PTGFRN: variants seen among roughly 807,000 people sequenced by gnomAD.
PTGFRN encodes the protein prostaglandin F2 receptor inhibitor, also known as prostaglandin F2 receptor negative regulator.
PTGFRN carries 35 observed loss-of-function variants against 83.2 expected under a neutral mutation model. The observed-to-expected ratio is 0.42, with a 90% CI of 0.32 to 0.56. PTGFRN has a LOEUF of 0.56. PTGFRN is among the 20% of genes least tolerant of loss of function. The pLI is 0.11. For synonymous variants in PTGFRN, 519 were observed against 498.6 expected (o/e 1.04, Z -0.55); for missense variants, 1,051 against 1,179.5 (o/e 0.89, Z 1.60).
In PTGFRN at chr1:116,918,051, C is replaced by G. The variant is rs1428009809; in HGVS notation, c.49+7799C>G. ...TGGCTGTTAGGCAGAATCTCTAGCA[C>G]AGGGACTCTTGCATTTTATAATCCA... On this transcript the variant is annotated intron_variant, in intron 1 of 8. Transcript: ENST00000393203. This position sits in a 1 kb window ranked among gnomAD's most constrained non-coding sequence, Gnocchi z 4.1. 6.6e-6 allele frequency among the ~76,000 whole-genome samples: 1 copy of G among 152,224 alleles called. No homozygotes were observed. The highest frequency in any genetic ancestry group is 1.5e-5 in the Non-Finnish European group (1 of 68,032).
chr1:116,967,471 C>A, intron 6 of PTGFRN, 141 bp downstream of exon 6: 2 of 909,306 alleles, frequency 2.2e-6, no homozygotes, highest in Non-Finnish European at 3.2e-6. Flanking sequence ...GTGTGTAATT[C>A]AGTGGCTTTT....
At chr1:116,928,755 A>T (rs1230223838) in intron 1 of PTGFRN, among the ~76,000 whole-genome samples, 3 of 152,164 alleles carry the variant, frequency 2.0e-5, no homozygotes, top group Admixed American at 6.5e-5. Context: ...TACTGAGACA[A>T]TAGAGACCAA....
At chr1:116,971,928 G>C (rs1363473714) in intron 6 of PTGFRN, among the ~76,000 whole-genome samples, 1 of 152,152 alleles carries the variant, frequency 6.6e-6, no homozygotes, top group African/African-American at 2.4e-5. Context: ...GAAGGGGCCT[G>C]AGCACTAGAA....
At chr1:116,915,125 A>G (rs1649368439) in intron 1 of PTGFRN, among the ~76,000 whole-genome samples, 1 of 152,192 alleles carries the variant, frequency 6.6e-6, no homozygotes, top group African/African-American at 2.4e-5. Flanking sequence ...TCTGCTAAGG[A>G]AAAGTTTACT....
chr1:116,924,637 G>T (rs760766494), intron 1 of PTGFRN, among the ~76,000 whole-genome samples: 41 of 152,304 alleles, frequency 2.7e-4, no homozygotes, highest in Middle Eastern at 3.4e-3. Context: ...CTTGATTGAC[G>T]CTGTGTGTCA....
rs893929692 is a variant in PTGFRN at position 116,961,125 on chromosome 1, C to T, written c.1214-118C>T. ...ACGACTGATTTCTGTCTCTCTAGTCCGGCAGGAGAAGCATTTAATTGTTAA... is the reference window on the plus strand; with the variant it reads ...ACGACTGATTTCTGTCTCTCTAGTCTGGCAGGAGAAGCATTTAATTGTTAA... On this transcript the variant is annotated intron_variant, in intron 4 of 8. Coordinates refer to ENST00000393203, the MANE Select transcript of PTGFRN (RefSeq NM_020440.4). The surrounding 1 kb of genome is among the most constrained non-coding windows in gnomAD (Gnocchi z 5.4). The T allele has an allele frequency of 2.6e-5, 29 of 1,111,358 alleles. No individual in the cohort carries two copies. The East Asian group carries it at 3.0e-4, about 11-fold the overall frequency. 68.8% of individuals were successfully genotyped at this position (1,111,358 alleles called of 1,614,324 possible).
chr1:116,944,088 A>G (rs1650122126), intron 2 of PTGFRN, among the ~76,000 whole-genome samples: 1 of 152,176 alleles, frequency 6.6e-6, no homozygotes, highest in Non-Finnish European at 1.5e-5. Context: ...CACCCTAGAC[A>G]TTCTTGGGCA....
chr1:116,924,684 T>G (rs991025920), intron 1 of PTGFRN, among the ~76,000 whole-genome samples: 1 of 152,244 alleles, frequency 6.6e-6, no homozygotes, highest in Non-Finnish European at 1.5e-5. Context: ...CTTTCTGTAT[T>G]GAGCCTGGTG....
At chr1:116,976,491 C>CA (rs1329242908) in intron 7 of PTGFRN, among the ~76,000 whole-genome samples, 16 of 152,194 alleles carry the variant, frequency 1.1e-4, no homozygotes, top group Admixed American at 9.2e-4. Context: ...GGGTTACCCA[C>CA]AAAGGGAAGC....
intron 7 of PTGFRN, among the ~76,000 whole-genome samples, chr1:116,982,870 G>T (rs963770135): frequency 6.6e-6 from 1 of 152,176 alleles, no homozygotes; most frequent in African/African-American, 2.4e-5. Context: ...CCTCTGGAGG[G>T]GGGAGGGTAC....
Position 116,984,768 on chromosome 1 carries a change from G to A in PTGFRN, c.2256G>A (p.Lys752=), listed in dbSNP as rs747383636. ...TGCTCCTGTCTTCCCTGGATCGGAA[G>A]GGCATCGTGACCACCTCCCGGAGGG... ...APVLLSSLDR[K]GIVTTSRRDW... The change falls in exon 8 of 9, where the codon AAG becomes AAA. Residue 752 remains lysine (K), a synonymous_variant. Transcript: ENST00000393203. 8 of 1,614,156 alleles carry A rather than the reference G, an allele frequency of 5.0e-6. No homozygotes were observed. The highest frequency in any genetic ancestry group is 5.9e-6 in the Non-Finnish European group (7 of 1,180,024).
chr1:116,951,412 T>G (rs1451683463), intron 4 of PTGFRN, among the ~76,000 whole-genome samples: 1 of 152,238 alleles, frequency 6.6e-6, no homozygotes, highest in Non-Finnish European at 1.5e-5. Context: ...ATCAGTGTGC[T>G]TTTCCTGACT....
chr1:116,966,152 C>T (rs955873380), intron 5 of PTGFRN, among the ~76,000 whole-genome samples: 11 of 152,214 alleles, frequency 7.2e-5, no homozygotes, highest in South Asian at 4.1e-4. Context: ...AAGTGCCTGA[C>T]GTTGTGCTAC....
chr1:116,943,335 C>T (rs1489769861), intron 2 of PTGFRN, among the ~76,000 whole-genome samples: 1 of 152,216 alleles, frequency 6.6e-6, no homozygotes, highest in Non-Finnish European at 1.5e-5. Flanking sequence ...CCACATGCCA[C>T]TTTTTCATTA....
Position 116,942,075 on chromosome 1 carries a change from A to C in PTGFRN, c.410A>C (p.Gln137Pro), listed in dbSNP as rs772905684. The C allele has an allele frequency of 1.2e-6, 2 of 1,611,680 alleles. No homozygotes were observed. Among genetic ancestry groups the C allele is most frequent in the South Asian group, 2.2e-5 (2 of 90,896 alleles). Residue 137 changes from glutamine (Q) to proline (P), a missense_variant, in exon 2 of 9, where the codon CAG (glutamine) becomes CCG (proline). Physicochemically the swap from Gln to Pro is moderately conservative, Grantham distance 76 (BLOSUM62 -1). Coordinates refer to ENST00000393203, the MANE Select transcript of PTGFRN (RefSeq NM_020440.4). ...CAGGGAAACTATGAGGACACAGTGC[A>C]GGTTAAAGGTACAGTCCTCACATGG... ...TVQGNYEDTVQVKVLADSLHV... is the reference protein window; with the variant it reads ...TVQGNYEDTVPVKVLADSLHV...
intron 1 of PTGFRN, among the ~76,000 whole-genome samples, chr1:116,916,634 T>G (rs1443500408): frequency 6.6e-6 from 1 of 152,182 alleles, no homozygotes; most frequent in Non-Finnish European, 1.5e-5. Flanking sequence ...GTACAGATAC[T>G]GTCATTTCCT....
intron 5 of PTGFRN, among the ~76,000 whole-genome samples, chr1:116,964,414 G>T (rs1650767388): frequency 6.6e-6 from 1 of 152,088 alleles, no homozygotes; most frequent in South Asian, 2.1e-4. Context: ...TGCCTTCTCA[G>T]GGCTTTCTTC....
At position 116,923,143 on chromosome 1, in the gene PTGFRN, A is replaced by G. The variant is rs2250457; in HGVS notation, c.49+12891A>G. 0.17 allele frequency among the ~76,000 whole-genome samples: 25,201 copies of G among 152,120 alleles called. 4,447 individuals carry two copies. The highest frequency in any genetic ancestry group is 0.44 in the African/African-American group (18,401 of 41,426). ...ACCCAACCGTAAGCAGCTCGAAAGC[A>G]GGATCATGTCTGTTTTTGCTTACCC... is the stretch of plus-strand genomic sequence containing the variant. On this transcript the variant is annotated intron_variant, in intron 1 of 8. Coordinates refer to ENST00000393203, the MANE Select transcript of PTGFRN (RefSeq NM_020440.4). This position sits in a 1 kb window ranked among gnomAD's most constrained non-coding sequence, Gnocchi z 4.0.
intron 1 of PTGFRN, among the ~76,000 whole-genome samples, chr1:116,916,993 T>C (rs1357031344): frequency 1.3e-5 from 2 of 150,920 alleles, no homozygotes; most frequent in Non-Finnish European, 3.0e-5. Flanking sequence ...GTTCTAGGAG[T>C]AGTCAGGGAA....
Sources: gnomAD v4.1 joint callset for allele counts (sites outside exome capture counted in the v4.1 genomes callset) on GRCh38, gnomAD v4.1.1 for gene constraint, Gnocchi (gnomAD v3.1) non-coding constraint, MANE v1.5 for transcripts, NCBI Gene and HGNC (gene_info 2026-07-23, HGNC 2026-07-21) for gene names.